IGSF3: variants seen among roughly 807,000 people sequenced by gnomAD.
The protein encoded by IGSF3 is immunoglobulin superfamily member 3.
Under a neutral mutation model 114.4 loss-of-function variants are expected in IGSF3, and 23 were observed. That is an observed-to-expected ratio of 0.20 (90% CI 0.14 to 0.28). The LOEUF (loss-of-function observed/expected upper bound fraction) is 0.28, where lower values mean the gene tolerates loss of function less well. Among genes scored for constraint, IGSF3 ranks in the 10% least tolerant of loss-of-function variants. The pLI is 1.00. For missense variants in IGSF3, 1,172 were observed against 1,591.5 expected, an observed-to-expected ratio of 0.74 and a Z score of 4.48; for synonymous variants, 571 against 645.2, an observed-to-expected ratio of 0.88 and a Z score of 1.74.
Position 116,585,111 on chromosome 1 carries a change from C to A in IGSF3, c.2441-59G>T. The A allele has an allele frequency of 7.3e-7, 1 of 1,365,230 alleles. No homozygotes were observed. The allele number at this position is 1,365,230 out of a possible 1,614,324, so 84.6% of individuals were successfully genotyped here. ...AGGACAACAAGCAATTCGTACGCAC[C>A]CTTTCCCAGGGTAGGTGAATGGATG... is the stretch of plus-strand genomic sequence containing the variant. On this transcript the variant is annotated intron_variant, in intron 8 of 10. Transcript: ENST00000369486. The surrounding 1 kb of genome is among the most constrained non-coding windows in gnomAD (Gnocchi z 4.9).
Position 116,606,209 on chromosome 1 carries a change from C to T in IGSF3, c.1222+1733G>A, listed in dbSNP as rs149088510. 3.6e-4 allele frequency among the ~76,000 whole-genome samples: 55 copies of T among 152,328 alleles called. 1 individual carries two copies. In the East Asian group the frequency reaches 9.8e-3, roughly 27 times the overall value. On this transcript the variant is annotated intron_variant, in intron 5 of 10. Transcript: ENST00000369486. ...AGTTGACGGTGTAGCACAGGCTAAG[C>T]GCAGGGCGGTGGGTGTGGAGTTAGA...
In IGSF3 at chr1:116,600,334, C is replaced by T. The variant is rs138769450; in HGVS notation, c.1636G>A (p.Ala546Thr). 34 of 1,607,210 alleles carry T rather than the reference C, an allele frequency of 2.1e-5. No individual in the cohort carries two copies. The East Asian group carries it at 4.5e-4, about 21-fold the overall frequency. Residue 546 changes from alanine to threonine, a missense_variant, in exon 7 of 11, where the codon GCA (alanine) becomes ACA (threonine). Transcript: ENST00000369486. This position sits in a 1 kb window ranked among gnomAD's most constrained non-coding sequence, Gnocchi z 5.5. ...ISITALEMGF[A>T]VTAISRTPGV... The stretch of plus-strand genomic sequence containing the variant: ...GGTGTCCGGGAGATGGCTGTGACTG[C>T]GAAGCCCATTTCTGGAGAGAAAGCA...
At position 116,579,987 on chromosome 1, in the gene IGSF3, T is replaced by C; in HGVS notation, c.2849-110A>G. 4 of 1,017,624 alleles carry C rather than the reference T, an allele frequency of 3.9e-6. No homozygotes were observed. The South Asian group carries it at 6.8e-5, about 17-fold the overall frequency. 63.0% of individuals were successfully genotyped at this position (1,017,624 alleles called of 1,614,324 possible). A position where few individuals can be genotyped will look rare whatever the true frequency, so the allele number is the denominator to read the frequency against. The stretch of plus-strand genomic sequence containing the variant: ...TGATAGTAACATCCATACTATAAGA[T>C]ATTATGCACCTATTGAAAAGGCATA... On this transcript the variant is annotated intron_variant, in intron 9 of 10. Transcript: ENST00000369486. The surrounding 1 kb of genome is among the most constrained non-coding windows in gnomAD (Gnocchi z 6.4).
intron 2 of IGSF3, among the ~76,000 whole-genome samples, chr1:116,656,961 A>G (rs2101079490): frequency 6.6e-6 from 1 of 152,298 alleles, no homozygotes; most frequent in Admixed American, 6.5e-5. Context: ...AATTAATTAA[A>G]GCAAACAAAT....
Position 116,574,699 on chromosome 1 carries a change from T to C in IGSF3, c.*2613A>G, listed in dbSNP as rs755488783. Reference sequence around the variant, plus strand: ...AGTGTAGTTTTTCATAAATGCAACATTGTAGACATAGATGAATCCAGAGTA... The same window carrying C: ...AGTGTAGTTTTTCATAAATGCAACACTGTAGACATAGATGAATCCAGAGTA... On this transcript the variant is annotated 3_prime_UTR_variant, in exon 11 of 11. Coordinates refer to ENST00000369486, the MANE Select transcript of IGSF3 (RefSeq NM_001007237.3). The surrounding 1 kb of genome is among the most constrained non-coding windows in gnomAD (Gnocchi z 5.2). 2 of 152,606 alleles carry C rather than the reference T, an allele frequency of 1.3e-5. No individual in the cohort carries two copies. Among genetic ancestry groups the C allele is most frequent in the African/African-American group, 2.4e-5 (1 of 41,438 alleles). The allele number at this position is 152,606 out of a possible 1,614,324, so 9.5% of individuals were successfully genotyped here. A position where few individuals can be genotyped will look rare whatever the true frequency, so the allele number is the denominator to read the frequency against.
In IGSF3 at chr1:116,654,930, T is replaced by C. The variant is rs1214278741; in HGVS notation, c.43+11354A>G. Reference sequence around the variant, plus strand: ...CTATTCATCATCTTACTCCTACAGATACCCCCTCTTCCTGGTGGCACCGGG... The same window carrying C: ...CTATTCATCATCTTACTCCTACAGACACCCCCTCTTCCTGGTGGCACCGGG... On this transcript the variant is annotated intron_variant, in intron 2 of 10. Coordinates refer to ENST00000369486, the MANE Select transcript of IGSF3 (RefSeq NM_001007237.3). The surrounding 1 kb of genome is among the most constrained non-coding windows in gnomAD (Gnocchi z 4.4). Among the ~76,000 whole-genome samples, 1 of 152,130 alleles carries C rather than the reference T, an allele frequency of 6.6e-6. No homozygotes were observed. The highest frequency in any genetic ancestry group is 1.5e-5 in the Non-Finnish European group (1 of 68,044).
rs544612098 is a variant in IGSF3 at position 116,662,683 on chromosome 1, T to C, written c.43+3601A>G. Among the ~76,000 whole-genome samples, 4 of 152,300 alleles carry C rather than the reference T, an allele frequency of 2.6e-5. No individual in the cohort carries two copies. The South Asian group carries it at 8.3e-4, about 32-fold the overall frequency. The stretch of plus-strand genomic sequence containing the variant: ...ACAAGAATTTCCTTCTCCTGCACCC[T>C]TGTCAAATGGTCCCCAGGAAAGGGA... On this transcript the variant is annotated intron_variant, in intron 2 of 10. Coordinates refer to ENST00000369486, the MANE Select transcript of IGSF3 (RefSeq NM_001007237.3). The surrounding 1 kb of genome is among the most constrained non-coding windows in gnomAD (Gnocchi z 4.3).
Position 116,579,985 on chromosome 1 carries a change from G to C in IGSF3, c.2849-108C>G. On this transcript the variant is annotated intron_variant, in intron 9 of 10. Coordinates refer to ENST00000369486, the MANE Select transcript of IGSF3 (RefSeq NM_001007237.3). This position sits in a 1 kb window ranked among gnomAD's most constrained non-coding sequence, Gnocchi z 6.4. ...CATGATAGTAACATCCATACTATAA[G>C]ATATTATGCACCTATTGAAAAGGCA... is the stretch of plus-strand genomic sequence containing the variant. 9.9e-7 allele frequency: 1 copy of C among 1,014,582 alleles called. No homozygotes were observed. The highest frequency in any genetic ancestry group is 1.4e-6 in the Non-Finnish European group (1 of 713,212). The allele number at this position is 1,014,582 out of a possible 1,614,324, so 62.8% of individuals were successfully genotyped here. A position where few individuals can be genotyped will look rare whatever the true frequency, so the allele number is the denominator to read the frequency against.
chr1:116,620,097 G>A (rs1661366688), intron 2 of IGSF3, among the ~76,000 whole-genome samples: 1 of 151,876 alleles, frequency 6.6e-6, no homozygotes, highest in Admixed American at 6.6e-5. Context: ...TACATATTTG[G>A]TCTTTGTCCC....
chr1:116,638,913 T>G lies in IGSF3; in HGVS notation c.44-22456A>C, dbSNP rs1476247574. Among the ~76,000 whole-genome samples the G allele has an allele frequency of 9.2e-5, 14 of 152,074 alleles. No individual in the cohort carries two copies. Among genetic ancestry groups the G allele is most frequent in the Non-Finnish European group, 1.6e-4 (11 of 67,996 alleles). ...TATCTGCCCAGGGTCACGTGCAAAG[T>G]CTGCATGCATGCTGAACCATTCCAG... On this transcript the variant is annotated intron_variant, in intron 2 of 10. Coordinates refer to ENST00000369486, the MANE Select transcript of IGSF3 (RefSeq NM_001007237.3). This position sits in a 1 kb window ranked among gnomAD's most constrained non-coding sequence, Gnocchi z 4.1.
In IGSF3 at chr1:116,589,442, A is replaced by G. The variant is rs561027910; in HGVS notation, c.2030-338T>C. The stretch of plus-strand genomic sequence containing the variant: ...AAAGTTTAATGGCTCTGAACTACCT[A>G]CGGGCCAGAGAGAAACAATTCCTTT... On this transcript the variant is annotated intron_variant, in intron 7 of 10. Coordinates refer to ENST00000369486, the MANE Select transcript of IGSF3 (RefSeq NM_001007237.3). This position sits in a 1 kb window ranked among gnomAD's most constrained non-coding sequence, Gnocchi z 5.7. Among the ~76,000 whole-genome samples the G allele has an allele frequency of 1.1e-4, 16 of 152,168 alleles. No homozygotes were observed. The highest frequency in any genetic ancestry group is 3.1e-4 in the African/African-American group (13 of 41,498).
At position 116,613,321 on chromosome 1, in the gene IGSF3, T is replaced by A. The variant is rs372125896; in HGVS notation, c.832+444A>T. Among the ~76,000 whole-genome samples the A allele has an allele frequency of 1.2e-4, 19 of 152,354 alleles. No individual in the cohort carries two copies. The South Asian group carries it at 3.9e-3, about 32-fold the overall frequency. The stretch of plus-strand genomic sequence containing the variant: ...CTAGTTCATAATGTTAGACCTTGGA[T>A]GGAAGTCTCATTATCTCAAATGGCT... On this transcript the variant is annotated intron_variant, in intron 4 of 10. Coordinates refer to ENST00000369486, the MANE Select transcript of IGSF3 (RefSeq NM_001007237.3).
chr1:116,596,541 A>G lies in IGSF3; in HGVS notation c.2029+3400T>C, dbSNP rs953123518. Among the ~76,000 whole-genome samples, 7 of 152,216 alleles carry G rather than the reference A, an allele frequency of 4.6e-5. No homozygotes were observed. The highest frequency in any genetic ancestry group is 2.6e-4 in the Admixed American group (4 of 15,286). On this transcript the variant is annotated intron_variant, in intron 7 of 10. Coordinates refer to ENST00000369486, the MANE Select transcript of IGSF3 (RefSeq NM_001007237.3). This position sits in a 1 kb window ranked among gnomAD's most constrained non-coding sequence, Gnocchi z 4.1. ...GCAAACTGTGTCTTGAGGAACCTCT[A>G]CCAATGTCTTATGACCCCAACTTCC... is the stretch of plus-strand genomic sequence containing the variant.
intron 2 of IGSF3, among the ~76,000 whole-genome samples, chr1:116,656,339 T>G (rs1262712916): frequency 7.3e-6 from 1 of 136,428 alleles, no homozygotes; most frequent in Non-Finnish European, 1.5e-5. Context: ...CTCACTCTGT[T>G]GCCCAGGCTG....
chr1:116,607,768 T>A lies in IGSF3; in HGVS notation c.1222+174A>T, dbSNP rs1414695504. ...TGCTATGGGGAGCCTGCTACATGTA[T>A]GCAGGTGGGCTACAACAGGGAAGAG... On this transcript the variant is annotated intron_variant, in intron 5 of 10. Transcript: ENST00000369486. This position sits in a 1 kb window ranked among gnomAD's most constrained non-coding sequence, Gnocchi z 6.1. Among the ~76,000 whole-genome samples, 1 of 152,232 alleles carries A rather than the reference T, an allele frequency of 6.6e-6. No individual in the cohort carries two copies. The highest frequency in any genetic ancestry group is 2.4e-5 in the African/African-American group (1 of 41,464).
intron 2 of IGSF3, among the ~76,000 whole-genome samples, chr1:116,637,658 C>T (rs1232851524): frequency 6.6e-6 from 1 of 152,186 alleles, no homozygotes; most frequent in East Asian, 1.9e-4. Context: ...TCCATCCTTC[C>T]CACGGCCTCC....
Position 116,662,006 on chromosome 1 carries a change from T to C in IGSF3, c.43+4278A>G, listed in dbSNP as rs919023481. Among the ~76,000 whole-genome samples, 11 of 152,032 alleles carry C rather than the reference T, an allele frequency of 7.2e-5. No homozygotes were observed. The highest frequency in any genetic ancestry group is 1.2e-4 in the Non-Finnish European group (8 of 68,020). On this transcript the variant is annotated intron_variant, in intron 2 of 10. Coordinates refer to ENST00000369486, the MANE Select transcript of IGSF3 (RefSeq NM_001007237.3). The surrounding 1 kb of genome is among the most constrained non-coding windows in gnomAD (Gnocchi z 4.3). ...GAAGTCATCTTGGGAATAGAGAGCA[T>C]GCACATGGAGCAAGACAGCAGGAGC...
rs766149270 is a variant in IGSF3 at position 116,579,734 on chromosome 1, C to G, written c.2992G>C (p.Gly998Arg). ...VAWYSLRTKAGGKRSSPGLEE... is the reference protein window; with the variant it reads ...VAWYSLRTKARGKRSSPGLEE... ...AGGCCAGGGCTGCTCCTTTTCCCCC[C>G]AGCTTTAGTCCTCAGGGAATACCAG... The change falls in exon 10 of 11, where the codon GGG becomes CGG. Residue 998 changes from glycine (G) to arginine (R), a missense_variant. By Grantham distance (125) the Gly-to-Arg change is moderately radical. Around this residue, in one of 3 missense-constraint regions of IGSF3, gnomAD observed 423 missense variants for 509.8 expected, o/e 0.83. Transcript: ENST00000369486. The surrounding 1 kb of genome is among the most constrained non-coding windows in gnomAD (Gnocchi z 6.4). 3.1e-6 allele frequency: 5 copies of G among 1,613,960 alleles called. No homozygotes were observed. The highest frequency in any genetic ancestry group is 3.3e-5 in the Admixed American group (2 of 60,002).
intron 6 of IGSF3, among the ~76,000 whole-genome samples, chr1:116,601,976 G>C (rs911874939): frequency 6.6e-6 from 1 of 152,218 alleles, no homozygotes; most frequent in Admixed American, 6.5e-5. Flanking sequence ...TGCTCTAACC[G>C]AACAGCCATA....
Sources: gnomAD v4.1 joint callset for allele counts (sites outside exome capture counted in the v4.1 genomes callset) on GRCh38, gnomAD v4.1.1 for gene constraint, gnomAD v4.1.1 regional missense constraint, Gnocchi (gnomAD v3.1) non-coding constraint, MANE v1.5 for transcripts, NCBI Gene and HGNC (gene_info 2026-07-23, HGNC 2026-07-21) for gene names.